Variants in ZNF385B observed in about 807,000 individuals in gnomAD.
The protein encoded by ZNF385B is zinc finger protein 385B.
A neutral mutation model predicts 39.2 loss-of-function variants in ZNF385B; 23 were observed. That is an observed-to-expected ratio of 0.59 (90% CI 0.42 to 0.83). The LOEUF is 0.83. Among genes scored for constraint, ZNF385B ranks in the 40% least tolerant of loss-of-function variants. The pLI is 0.00. For missense variants in ZNF385B, 552 were observed against 598.9 expected (o/e 0.92, Z 0.82); for synonymous variants, 205 against 222.6 (o/e 0.92, Z 0.70).
chr2:179,582,396 G>A (rs1686627444), intron 3 of ZNF385B, among the ~76,000 whole-genome samples: 1 of 152,152 alleles, frequency 6.6e-6, no homozygotes, highest in Non-Finnish European at 1.5e-5. Flanking sequence ...TGGAGAAAAA[G>A]TATGCTGATT....
chr2:179,601,445 C>A (rs1438143551), intron 3 of ZNF385B, among the ~76,000 whole-genome samples: 1 of 151,992 alleles, frequency 6.6e-6, no homozygotes, highest in Non-Finnish European at 1.5e-5. Flanking sequence ...TTTTTTCTGA[C>A]TTTTAACATA....
intron 6 of ZNF385B, among the ~76,000 whole-genome samples, chr2:179,454,992 C>G (rs1023815164): frequency 2.0e-5 from 3 of 152,090 alleles, no homozygotes; most frequent in Non-Finnish European, 4.4e-5. Flanking sequence ...ATAAAGTCTA[C>G]AGTAATATCC....
chr2:179,773,223 A>G (rs548363939), intron 1 of ZNF385B, among the ~76,000 whole-genome samples: 2 of 152,236 alleles, frequency 1.3e-5, no homozygotes, highest in Non-Finnish European at 2.9e-5. Flanking sequence ...TCTCTGTTGC[A>G]TATGTACAGC....
In ZNF385B at chr2:179,846,888, C is replaced by T. The variant is rs79707969; in HGVS notation, c.-155+14213G>A. 8.0e-3 allele frequency among the ~76,000 whole-genome samples: 1,222 copies of T among 152,316 alleles called. 17 individuals carry two copies. Among genetic ancestry groups the T allele is most frequent in the African/African-American group, 0.027 (1,142 of 41,570 alleles). ...GTGAGACATGACTCCTGCTCTGCCA[C>T]CATACAGCTGTGCCATTTGAGCACA... On this transcript the variant is annotated intron_variant, in intron 1 of 9. Transcript: ENST00000410066.
chr2:179,775,641 A>C (rs1704268926), intron 1 of ZNF385B, among the ~76,000 whole-genome samples: 1 of 152,168 alleles, frequency 6.6e-6, no homozygotes, highest in African/African-American at 2.4e-5. Context: ...CTGACATTTA[A>C]ATGTTTCTAG....
At chr2:179,491,855 T>C (rs1388642930) in intron 5 of ZNF385B, among the ~76,000 whole-genome samples, 4 of 151,992 alleles carry the variant, frequency 2.6e-5, no homozygotes, top group Non-Finnish European at 5.9e-5. Context: ...CATGCCACCA[T>C]TCCTGGCTAT....
chr2:179,602,809 G>A (rs1475345075), intron 3 of ZNF385B, among the ~76,000 whole-genome samples: 1 of 152,116 alleles, frequency 6.6e-6, no homozygotes, highest in East Asian at 1.9e-4. Context: ...ACAAACTCTT[G>A]ACACGGGAAC....
chr2:179,752,637 T>C (rs1315338031), intron 3 of ZNF385B, among the ~76,000 whole-genome samples: 5 of 152,192 alleles, frequency 3.3e-5, no homozygotes, highest in African/African-American at 1.2e-4. Context: ...CTAACTGGTG[T>C]GAGATGGTAT....
At chr2:179,696,571 T>C (rs761479774) in intron 3 of ZNF385B, among the ~76,000 whole-genome samples, 5 of 152,048 alleles carry the variant, frequency 3.3e-5, no homozygotes, top group Non-Finnish European at 7.4e-5. Flanking sequence ...TGTAGTCACT[T>C]AGTGATACTC....
chr2:179,641,689 C>A (rs999903349), intron 3 of ZNF385B, among the ~76,000 whole-genome samples: 2 of 42,762 alleles, frequency 4.7e-5, no homozygotes, highest in Admixed American at 7.1e-4. Context: ...TATGACATAA[C>A]CCTTAAGTAA....
intron 3 of ZNF385B, among the ~76,000 whole-genome samples, chr2:179,747,799 T>C (rs1187253344): frequency 1.3e-5 from 2 of 152,116 alleles, no homozygotes; most frequent in Non-Finnish European, 2.9e-5. Flanking sequence ...ATGCCTCCAG[T>C]GGCAGATGTT....
intron 5 of ZNF385B, among the ~76,000 whole-genome samples, chr2:179,515,105 T>C (rs2057998934): frequency 6.6e-6 from 1 of 152,172 alleles, no homozygotes; most frequent in South Asian, 2.1e-4. Context: ...ATTATCATGA[T>C]TTTGAACTAT....
At chr2:179,734,732 A>G (rs1701629353) in intron 3 of ZNF385B, among the ~76,000 whole-genome samples, 1 of 152,208 alleles carries the variant, frequency 6.6e-6, no homozygotes, top group African/African-American at 2.4e-5. Flanking sequence ...AGATATTGTA[A>G]AATAAATAAT....
intron 1 of ZNF385B, among the ~76,000 whole-genome samples, chr2:179,820,940 T>A (rs1262371587): frequency 6.6e-6 from 1 of 152,204 alleles, no homozygotes; most frequent in Non-Finnish European, 1.5e-5. Context: ...CTATGCCACA[T>A]TTATTTTTCA....
At chr2:179,691,642 T>A (rs1397220105) in intron 3 of ZNF385B, among the ~76,000 whole-genome samples, 1 of 152,196 alleles carries the variant, frequency 6.6e-6, no homozygotes, top group Non-Finnish European at 1.5e-5. Flanking sequence ...TACTGAAGTT[T>A]CAATGAGTCT....
intron 1 of ZNF385B, among the ~76,000 whole-genome samples, chr2:179,856,360 C>T (rs1684594908): frequency 6.6e-6 from 1 of 151,976 alleles, no homozygotes. Flanking sequence ...CCTTCTGCCC[C>T]ACGTGCAGAT....
intron 1 of ZNF385B, among the ~76,000 whole-genome samples, chr2:179,825,086 T>C (rs1212996855): frequency 6.6e-6 from 1 of 152,166 alleles, no homozygotes; most frequent in African/African-American, 2.4e-5. Context: ...GCTTTAGGGA[T>C]TTGGATTAAA....
intron 1 of ZNF385B, among the ~76,000 whole-genome samples, chr2:179,838,837 C>T (rs926136533): frequency 2.0e-5 from 3 of 150,264 alleles, no homozygotes; most frequent in Non-Finnish European, 2.9e-5. Context: ...TTATATAAAA[C>T]TACCTTCAAA....
intron 1 of ZNF385B, among the ~76,000 whole-genome samples, chr2:179,789,502 C>T (rs1705199521): frequency 6.6e-6 from 1 of 152,134 alleles, no homozygotes; most frequent in African/African-American, 2.4e-5. Flanking sequence ...CACCTAGGGA[C>T]TATAGAGAAG....
Sources: allele counts gnomAD v4.1 joint callset (sites outside exome capture counted in the v4.1 genomes callset), GRCh38; gene constraint gnomAD v4.1.1; transcripts MANE v1.5; gene names NCBI Gene and HGNC (gene_info 2026-07-23, HGNC 2026-07-21).